Variants in SFTPD observed in about 807,000 individuals in gnomAD.
SFTPD encodes the protein surfactant protein D, also known as pulmonary surfactant-associated protein D.
In SFTPD, 18 loss-of-function variants were observed where a neutral mutation model predicts 34.6. The ratio of observed to expected loss-of-function variants is 0.52; its 90% CI spans 0.36 to 0.77. SFTPD has a LOEUF of 0.77. SFTPD is among the 30% of genes least tolerant of loss of function. The pLI is 0.00. For synonymous variants in SFTPD, 155 were observed against 180.9 expected (o/e 0.86, Z 1.15); for missense variants, 433 against 468.9 (o/e 0.92, Z 0.71).
chr10:79,944,562 T>C (rs993010705), intron 2 of SFTPD, among the ~76,000 whole-genome samples: 2 of 151,984 alleles, frequency 1.3e-5, no homozygotes, highest in African/African-American at 4.8e-5. Flanking sequence ...TGGTTGGAGC[T>C]GAGTAGGGGT....
At chr10:79,975,679 C>T (rs895191189) in intron 1 of SFTPD, among the ~76,000 whole-genome samples, 5 of 152,216 alleles carry the variant, frequency 3.3e-5, no homozygotes, top group East Asian at 1.9e-4. Flanking sequence ...AGGGGTCTCA[C>T]AGCCTTCAGA....
chr10:79,941,090 A>G (rs1266846372), intron 6 of SFTPD, among the ~76,000 whole-genome samples: 1 of 152,080 alleles, frequency 6.6e-6, no homozygotes, highest in Non-Finnish European at 1.5e-5. Flanking sequence ...AGGAATACAC[A>G]CTCATGTGTT....
At position 79,975,248 on chromosome 10, in the gene SFTPD, G is replaced by C. The variant is rs533459806; in HGVS notation, c.36+7327C>G. On this transcript the variant is annotated intron_variant, in intron 1 of 5. Transcript: ENST00000444384. Reference sequence around the variant, plus strand: ...AAGGTCATTTTCTTCAAAATAATAAGGAGGGGGTGCAGAAGGGTAGGGATG... The same window carrying C: ...AAGGTCATTTTCTTCAAAATAATAACGAGGGGGTGCAGAAGGGTAGGGATG... Among the ~76,000 whole-genome samples, 17 of 151,920 alleles carry C rather than the reference G, an allele frequency of 1.1e-4. No homozygotes were observed. In the South Asian group the frequency reaches 3.3e-3, roughly 30 times the overall value.
chr10:79,937,868 AC>A lies in SFTPD; in HGVS notation c.1111del (p.Val371TrpfsTer26). The A allele has an allele frequency of 6.4e-7, 1 of 1,550,772 alleles. No homozygotes were observed. The highest frequency in any genetic ancestry group is 8.7e-7 in the Non-Finnish European group (1 of 1,143,678). On this transcript the variant is annotated frameshift_variant, in exon 8 of 8. Coordinates refer to ENST00000372292, the MANE Select transcript of SFTPD (RefSeq NM_003019.5). LOFTEE classifies it high-confidence loss of function. ...CCAGTTGGCTCAGAACTCGCAGACC[AC>A]AAGACGCTTTTCTCCACAAGCCCTG... ...NDRACGEKRL[V>X]VCEF
intron 1 of SFTPD, among the ~76,000 whole-genome samples, chr10:79,962,802 C>G (rs1842780876): frequency 6.6e-6 from 1 of 152,152 alleles, no homozygotes; most frequent in Non-Finnish European, 1.5e-5. Context: ...ATGTATTCAA[C>G]TCCGTGCATA....
At chr10:79,941,001 C>G (rs1379845536) in intron 6 of SFTPD, among the ~76,000 whole-genome samples, 1 of 128,692 alleles carries the variant, frequency 7.8e-6, no homozygotes, top group Non-Finnish European at 1.5e-5. Flanking sequence ...TTCACTGACA[C>G]TGAACCAGAT....
intron 2 of SFTPD, among the ~76,000 whole-genome samples, chr10:79,943,107 T>G (rs1235545606): frequency 6.6e-6 from 1 of 152,190 alleles, no homozygotes; most frequent in Non-Finnish European, 1.5e-5. Flanking sequence ...AAGACCTGCC[T>G]GACCTTCTAT....
chr10:79,938,174 C>A lies in SFTPD; in HGVS notation c.806G>T (p.Gly269Val). Reference protein sequence around the residue: ...SVGEKIFKTAGFVKPFTEAQL... With the variant: ...SVGEKIFKTAVFVKPFTEAQL... Reference sequence around the variant, plus strand: ...TGCCTCCGTAAATGGTTTTACAAAGCCTGCTGTCTTGAAAATCTTCTCCCC... The same window carrying A: ...TGCCTCCGTAAATGGTTTTACAAAGACTGCTGTCTTGAAAATCTTCTCCCC... Residue 269 changes from glycine (G) to valine (V), a missense_variant, in exon 8 of 8, where the codon GGC (glycine) becomes GTC (valine). Physicochemically the swap from Gly to Val is moderately radical, Grantham distance 109. Coordinates refer to ENST00000372292, the MANE Select transcript of SFTPD (RefSeq NM_003019.5). 1 of 1,605,754 alleles carries A rather than the reference C, an allele frequency of 6.2e-7. No individual in the cohort carries two copies. Among genetic ancestry groups the A allele is most frequent in the Non-Finnish European group, 8.5e-7 (1 of 1,173,000 alleles).
chr10:79,953,987 T>A (rs1031857379), upstream of SFTPD, among the ~76,000 whole-genome samples: 1 of 149,174 alleles, frequency 6.7e-6, no homozygotes, highest in Admixed American at 6.7e-5. Flanking sequence ...AGGTCTTCAG[T>A]TCCAGGATTT....
intron 1 of SFTPD, among the ~76,000 whole-genome samples, chr10:79,960,701 G>A (rs953415286): frequency 9.9e-5 from 15 of 152,124 alleles, no homozygotes; most frequent in African/African-American, 1.4e-4. Context: ...AATCAATATC[G>A]TGAAAATGGC....
At chr10:79,976,865 A>C (rs1186377812) in intron 1 of SFTPD, among the ~76,000 whole-genome samples, 1 of 152,148 alleles carries the variant, frequency 6.6e-6, no homozygotes, top group Non-Finnish European at 1.5e-5. Context: ...GAGGTAATTG[A>C]ATCATGAGGG....
intron 1 of SFTPD, among the ~76,000 whole-genome samples, chr10:79,976,832 A>T (rs538681113): frequency 1.2e-4 from 19 of 152,112 alleles, no homozygotes; most frequent in Non-Finnish European, 2.6e-4. Context: ...GAATTCCCAC[A>T]TGTTGTGGGA....
chr10:79,938,978 G>A (rs1842585493), intron 7 of SFTPD, among the ~76,000 whole-genome samples: 1 of 152,200 alleles, frequency 6.6e-6, no homozygotes, highest in Admixed American at 6.5e-5. Context: ...CCCTGGGTGG[G>A]AACTGGAAGA....
At chr10:79,952,478 G>T (rs1042108240), upstream of SFTPD, among the ~76,000 whole-genome samples, 1 of 152,204 alleles carries the variant, frequency 6.6e-6, no homozygotes, top group Non-Finnish European at 1.5e-5. Flanking sequence ...GTCTCTGCTG[G>T]GAGGGGCACA....
In SFTPD at chr10:79,941,428, T is replaced by G; in HGVS notation, c.637A>C (p.Lys213Gln). The G allele has an allele frequency of 6.2e-7, 1 of 1,614,106 alleles. No individual in the cohort carries two copies. The highest frequency in any genetic ancestry group is 8.5e-7 in the Non-Finnish European group (1 of 1,179,964). ...LKGDKGIPGD[K>Q]GAKGESGLPD... ...AGCCCACTTTCTCCCTTTGCTCCTTTGTCTCCAGGAATGCCTTTGTCCCCC... is the reference window on the plus strand; with the variant it reads ...AGCCCACTTTCTCCCTTTGCTCCTTGGTCTCCAGGAATGCCTTTGTCCCCC... Residue 213 changes from lysine (K) to glutamine (Q), a missense_variant, in exon 6 of 8, where the codon AAA becomes CAA. By Grantham distance (53) the Lys-to-Gln change is moderately conservative (BLOSUM62 1). Coordinates refer to ENST00000372292, the MANE Select transcript of SFTPD (RefSeq NM_003019.5).
chr10:79,958,304 T>A (rs908909660), intron 1 of SFTPD, among the ~76,000 whole-genome samples: 4 of 152,116 alleles, frequency 2.6e-5, no homozygotes, highest in Non-Finnish European at 4.4e-5. Flanking sequence ...ATAACAATAT[T>A]AACTTTAAAC....
intron 1 of SFTPD, among the ~76,000 whole-genome samples, chr10:79,980,435 C>T (rs1286754916): frequency 2.0e-5 from 3 of 152,114 alleles, no homozygotes; most frequent in South Asian, 4.2e-4. Context: ...GGATTCATCA[C>T]CTGCTGACTA....
At position 79,946,456 on chromosome 10, in the gene SFTPD, C is replaced by G; in HGVS notation, c.199+5G>C. 1 of 1,610,490 alleles carries G rather than the reference C, an allele frequency of 6.2e-7. No homozygotes were observed. Among genetic ancestry groups the G allele is most frequent in the Non-Finnish European group, 8.5e-7 (1 of 1,176,950 alleles). On this transcript the variant is annotated splice_donor_5th_base_variant and intron_variant, in intron 2 of 7. Transcript: ENST00000372292. Reference sequence around the variant, plus strand: ...CAGCAGGATAAGCCCAGGGCCCCACCCTACCTGGGTCCCCCTTCTCGCCCC... The same window carrying G: ...CAGCAGGATAAGCCCAGGGCCCCACGCTACCTGGGTCCCCCTTCTCGCCCC...
intron 1 of SFTPD, chr10:79,982,324 C>A (rs1554819079): frequency 1.0e-6 from 1 of 961,574 alleles, no homozygotes; most frequent in Non-Finnish European, 1.4e-6. Flanking sequence ...ACCAGCCCAG[C>A]GCCTCGGGCG....
Sources: allele counts gnomAD v4.1 joint callset (sites outside exome capture counted in the v4.1 genomes callset), GRCh38; gene constraint gnomAD v4.1.1; transcripts MANE v1.5; gene names NCBI Gene and HGNC (gene_info 2026-07-23, HGNC 2026-07-21).